PSD3: variants seen among roughly 807,000 people sequenced by gnomAD.
PSD3 encodes the protein pleckstrin and Sec7 domain containing 3.
A neutral mutation model predicts 105.5 loss-of-function variants in PSD3; 49 were observed. That is an observed-to-expected ratio of 0.46 (90% confidence interval 0.37 to 0.59). The LOEUF is 0.59. PSD3 is among the 20% of genes least tolerant of loss of function. The pLI, the probability that PSD3 is intolerant of heterozygous loss-of-function variation, is 0.00. For synonymous variants in PSD3, 557 were observed against 457.8 expected, an observed-to-expected ratio of 1.22 and a Z score of -2.77; for missense variants, 1,561 against 1,263.8, an observed-to-expected ratio of 1.24 and a Z score of -3.57.
At chr8:18,875,886 C>G (rs1817705372) in intron 2 of PSD3, among the ~76,000 whole-genome samples, 1 of 152,132 alleles carries the variant, frequency 6.6e-6, no homozygotes, top group African/African-American at 2.4e-5. Flanking sequence ...TATCCATAAG[C>G]AGCCAATCCC....
rs190626359 is a variant in PSD3 at position 18,760,031 on chromosome 8, C to T, written c.2172+5418G>A. ...ACAAGAACAAGGGTTTCCTAAGAAA[C>T]TCAGTAGAAATAAAATTCAGGGAAC... is the stretch of plus-strand genomic sequence containing the variant. On this transcript the variant is annotated intron_variant, in intron 9 of 15. Coordinates refer to ENST00000327040, the MANE Select transcript of PSD3 (RefSeq NM_015310.4). Among the ~76,000 whole-genome samples, 417 of 147,088 alleles carry T rather than the reference C, an allele frequency of 2.8e-3. 6 individuals are homozygous for T. Among genetic ancestry groups the T allele is most frequent in the African/African-American group, 0.01 (399 of 38,230 alleles).
chr8:18,703,051 C>T (rs1220145567), intron 9 of PSD3, among the ~76,000 whole-genome samples: 2 of 152,046 alleles, frequency 1.3e-5, no homozygotes, highest in African/African-American at 4.8e-5. Flanking sequence ...GAGGCAAGAA[C>T]TGTGAAAAAT....
intron 4 of PSD3, among the ~76,000 whole-genome samples, chr8:18,809,552 C>T (rs909996745): frequency 6.6e-6 from 1 of 152,120 alleles, no homozygotes; most frequent in Non-Finnish European, 1.5e-5. Flanking sequence ...TAAGTACGTC[C>T]CAAATACTGC....
At chr8:18,757,180 C>T (rs1267142323) in intron 9 of PSD3, among the ~76,000 whole-genome samples, 3 of 150,032 alleles carry the variant, frequency 2.0e-5, no homozygotes, top group African/African-American at 4.9e-5. Flanking sequence ...GATCTGGACG[C>T]GGTGGCTCAC....
intron 9 of PSD3, among the ~76,000 whole-genome samples, chr8:18,752,732 A>G (rs1176973588): frequency 1.5e-5 from 2 of 132,098 alleles, no homozygotes; most frequent in African/African-American, 2.9e-5. Context: ...GTCTAAGTCT[A>G]TACTGTATGA....
At chr8:18,774,677 T>A (rs7844573) in intron 8 of PSD3, 6 of 362,914 alleles carry the variant, frequency 1.7e-5, no homozygotes, top group Non-Finnish European at 3.2e-5. Flanking sequence ...GCCACAGATC[T>A]GGGGGCTAGT....
At chr8:18,890,522 G>T (rs1323965570) in intron 2 of PSD3, among the ~76,000 whole-genome samples, 2 of 152,012 alleles carry the variant, frequency 1.3e-5, no homozygotes, top group Admixed American at 6.6e-5. Flanking sequence ...ACTCTAATAC[G>T]CTGTTTTGAA....
intron 9 of PSD3, among the ~76,000 whole-genome samples, chr8:18,718,472 G>A (rs1802740512): frequency 6.6e-6 from 1 of 152,224 alleles, no homozygotes; most frequent in Non-Finnish European, 1.5e-5. Context: ...TTCATAGACA[G>A]ATATACAGGA....
intron 8 of PSD3, among the ~76,000 whole-genome samples, chr8:18,778,462 G>A (rs530533730): frequency 6.6e-6 from 1 of 152,136 alleles, no homozygotes; most frequent in Admixed American, 6.5e-5. Flanking sequence ...TCTTTTGCCT[G>A]GTTACTCTGG....
At chr8:18,767,170 G>C (rs553678893) in intron 8 of PSD3, among the ~76,000 whole-genome samples, 7 of 152,204 alleles carry the variant, frequency 4.6e-5, no homozygotes, top group African/African-American at 1.7e-4. Context: ...TTTAACAAAA[G>C]GAAATTGCAT....
intron 9 of PSD3, among the ~76,000 whole-genome samples, chr8:18,660,689 C>A (rs1809282071): frequency 6.6e-6 from 1 of 152,200 alleles, no homozygotes; most frequent in African/African-American, 2.4e-5. Context: ...GAGGAAACTG[C>A]ATGAATATTT....
At chr8:18,567,342 G>A (rs538917551) in intron 14 of PSD3, among the ~76,000 whole-genome samples, 2 of 151,686 alleles carry the variant, frequency 1.3e-5, no homozygotes, top group African/African-American at 2.4e-5. Context: ...CCTTTTATGC[G>A]ACATGCTCTT....
At chr8:18,902,668 A>G (rs1346742909) in intron 2 of PSD3, among the ~76,000 whole-genome samples, 1 of 152,206 alleles carries the variant, frequency 6.6e-6, no homozygotes, top group African/African-American at 2.4e-5. Flanking sequence ...TTGTACAGAA[A>G]GACTTTGACC....
chr8:18,765,568 T>A, intron 8 of PSD3, 30 bp from the exon 9 acceptor site: 3 of 1,465,494 alleles, frequency 2.0e-6, no homozygotes, highest in Non-Finnish European at 2.9e-6. Context: ...TACATCACTA[T>A]GACATTCATG....
At chr8:18,646,686 C>T (rs1472465979) in intron 10 of PSD3, among the ~76,000 whole-genome samples, 2 of 151,940 alleles carry the variant, frequency 1.3e-5, no homozygotes, top group East Asian at 1.9e-4. Context: ...AATAGAAAAA[C>T]TCTTGGGTGA....
At chr8:18,646,216 T>C (rs189106449) in intron 10 of PSD3, among the ~76,000 whole-genome samples, 20 of 152,262 alleles carry the variant, frequency 1.3e-4, no homozygotes, top group African/African-American at 4.1e-4. Context: ...AAAATTACTT[T>C]CATTTTAAAG....
intron 9 of PSD3, among the ~76,000 whole-genome samples, chr8:18,728,534 G>C (rs1803496335): frequency 6.6e-6 from 1 of 152,152 alleles, no homozygotes; most frequent in Non-Finnish European, 1.5e-5. Flanking sequence ...TGGAGACTTA[G>C]AGGCAAGACA....
intron 2 of PSD3, 26 bp from the exon 3 acceptor site, chr8:18,872,759 T>A: frequency 6.6e-7 from 1 of 1,516,828 alleles, no homozygotes; most frequent in African/African-American, 1.4e-5. Context: ...AATGGACATA[T>A]GACTTGTTGT....
chr8:18,963,132 G>C (rs893447469), intron 1 of PSD3, among the ~76,000 whole-genome samples: 1 of 152,120 alleles, frequency 6.6e-6, no homozygotes, highest in Non-Finnish European at 1.5e-5. Context: ...GGAAACCCCT[G>C]ATAAAACCAT....
Sources: allele counts gnomAD v4.1 joint callset (sites outside exome capture counted in the v4.1 genomes callset), GRCh38; gene constraint gnomAD v4.1.1; transcripts MANE v1.5; gene names NCBI Gene and HGNC (gene_info 2026-07-23, HGNC 2026-07-21).